PCDHAC1: variants seen among roughly 807,000 people sequenced by gnomAD.
The protein encoded by PCDHAC1 is protocadherin alpha subfamily C, 1, also known as protocadherin alpha-C1.
Under a neutral mutation model 60.0 loss-of-function variants are expected in PCDHAC1, and 42 were observed. That is an observed-to-expected ratio of 0.70 (90% CI 0.55 to 0.90). The LOEUF (loss-of-function observed/expected upper bound fraction) is 0.90. Among genes scored for constraint, PCDHAC1 ranks in the 40% least tolerant of loss-of-function variants. PCDHAC1 has a pLI of 0.00. For missense variants in PCDHAC1, 1,160 were observed against 1,222.3 expected (o/e 0.95, Z 0.76); for synonymous variants, 468 against 499.3 (o/e 0.94, Z 0.84).
intron 1 of PCDHAC1, chr5:140,966,633 C>G (rs2096029445): frequency 8.9e-6 from 9 of 1,005,802 alleles, no homozygotes; most frequent in Non-Finnish European, 5.4e-6. Flanking sequence ...CGGCCCCAGG[C>G]GCTTTCTAGA....
At chr5:140,958,241 AT>A (rs2095415572) in intron 1 of PCDHAC1, among the ~76,000 whole-genome samples, 1 of 152,118 alleles carries the variant, frequency 6.6e-6, no homozygotes, top group Non-Finnish European at 1.5e-5. Flanking sequence ...GTTTTTAACA[AT>A]TCTGAACAAA....
At chr5:141,006,368 C>A (rs1395158727) in intron 3 of PCDHAC1, among the ~76,000 whole-genome samples, 1 of 151,954 alleles carries the variant, frequency 6.6e-6, no homozygotes, top group Non-Finnish European at 1.5e-5. Flanking sequence ...CCCACCACCA[C>A]GCCCGGCTAA....
chr5:140,976,545 T>C (rs781810490), intron 1 of PCDHAC1, among the ~76,000 whole-genome samples: 1 of 152,078 alleles, frequency 6.6e-6, no homozygotes, highest in Non-Finnish European at 1.5e-5. Flanking sequence ...AGTAAGACCC[T>C]ATCTCATAAA....
In PCDHAC1 at chr5:140,993,460, TCTCACACA is replaced by T. The variant is rs782648313; in HGVS notation, c.2581+10899_2581+10906del. Among the ~76,000 whole-genome samples, 169 of 104,562 alleles carry T rather than the reference TCTCACACA, an allele frequency of 1.6e-3. 1 individual carries two copies. Among genetic ancestry groups the T allele is most frequent in the East Asian group, 0.012 (43 of 3,448 alleles). 68.6% of individuals were successfully genotyped at this position (104,562 alleles called of 152,430 possible). On this transcript the variant is annotated intron_variant, in intron 3 of 3. Coordinates refer to ENST00000253807, the MANE Select transcript of PCDHAC1 (RefSeq NM_018898.5). ...TTCATTCCTGTTCTCCTTCTTTCTT[TCTCACACA>T]CACACACACACACACACACACACAC...
intron 3 of PCDHAC1, among the ~76,000 whole-genome samples, chr5:140,997,598 TG>T (rs1182118908): frequency 6.6e-5 from 10 of 152,124 alleles, no homozygotes; most frequent in Admixed American, 2.0e-4. Context: ...AACATGATTA[TG>T]GGGCGCATGA....
intron 1 of PCDHAC1, among the ~76,000 whole-genome samples, chr5:140,953,492 G>T (rs542677103): frequency 6.6e-6 from 1 of 152,188 alleles, no homozygotes; most frequent in East Asian, 1.9e-4. Context: ...TCACAACCTT[G>T]ATCAGCTATT....
intron 3 of PCDHAC1, among the ~76,000 whole-genome samples, chr5:141,003,650 A>G (rs2098132767): frequency 6.6e-6 from 1 of 152,170 alleles, no homozygotes; most frequent in Admixed American, 6.5e-5. Flanking sequence ...GAAGATCTGT[A>G]TGCATTTATT....
intron 3 of PCDHAC1, chr5:140,988,965 TG>T (rs1227130828): frequency 6.6e-6 from 1 of 152,162 alleles, no homozygotes; most frequent in Non-Finnish European, 1.5e-5. Context: ...AGCCCCACGA[TG>T]GAGAGAAGCA....
At chr5:140,934,430 G>A (rs1249557283) in intron 1 of PCDHAC1, among the ~76,000 whole-genome samples, 1 of 152,108 alleles carries the variant, frequency 6.6e-6, no homozygotes, top group Non-Finnish European at 1.5e-5. Context: ...CAATGCAAGT[G>A]TAAATATAGT....
chr5:140,928,381 T>C lies in PCDHAC1; in HGVS notation c.1489T>C (p.Leu497=), dbSNP rs1554205835. ...VISEGPSASS[L]LAVESSSGAI... is the part of the protein sequence containing the mutation. ...CTCTGAAGGGCCATCAGCCTCTAGC[T>C]TGCTGGCAGTGGAATCATCCAGTGG... Residue 497 remains leucine, a synonymous_variant, in exon 1 of 4, where the codon TTG becomes CTG. Coordinates refer to ENST00000253807, the MANE Select transcript of PCDHAC1 (RefSeq NM_018898.5). The C allele has an allele frequency of 1.2e-6, 2 of 1,614,054 alleles. No homozygotes were observed. Among genetic ancestry groups the C allele is most frequent in the African/African-American group, 2.7e-5 (2 of 74,928 alleles).
chr5:140,980,030 C>T (rs552658283), intron 2 of PCDHAC1, among the ~76,000 whole-genome samples: 29 of 152,292 alleles, frequency 1.9e-4, no homozygotes, highest in Admixed American at 4.6e-4. Flanking sequence ...GAAATCATTA[C>T]ATTGGGTGCT....
Position 141,010,327 on chromosome 5 carries a change from G to T in PCDHAC1, c.*390G>T, listed in dbSNP as rs2098416942. 5 of 1,539,742 alleles carry T rather than the reference G, an allele frequency of 3.2e-6. No individual in the cohort carries two copies. The highest frequency in any genetic ancestry group is 2.4e-5 in the South Asian group (2 of 82,532). On this transcript the variant is annotated 3_prime_UTR_variant, in exon 4 of 4. Transcript: ENST00000253807. ...AAAGTTTTGAGATTGAGCAGCTTGGGAGTTTGTGGCCACTGGGTATGTGTG... is the reference window on the plus strand; with the variant it reads ...AAAGTTTTGAGATTGAGCAGCTTGGTAGTTTGTGGCCACTGGGTATGTGTG...
rs1224984801 is a variant in PCDHAC1, at chr5:140,927,707, T to G, written c.815T>G (p.Leu272Arg). The change falls in exon 1 of 4, where the codon CTA becomes CGA. Residue 272 changes from leucine (L) to arginine (R), a missense_variant. By Grantham distance (102) the Leu-to-Arg change is moderately radical. Around this residue, in one of 3 missense-constraint regions of PCDHAC1, gnomAD observed 1,113 missense variants for 1,163.7 expected, o/e 0.96. Coordinates refer to ENST00000253807, the MANE Select transcript of PCDHAC1 (RefSeq NM_018898.5). Reference protein sequence around the residue: ...EGSNGEVQYSLSNSTQAELRH... With the variant: ...EGSNGEVQYSRSNSTQAELRH... ...TCCAATGGGGAAGTCCAGTACTCCC[T>G]AAGCAACAGCACGCAAGCAGAGCTG... is the stretch of plus-strand genomic sequence containing the variant. 1 of 1,614,080 alleles carries G rather than the reference T, an allele frequency of 6.2e-7. No homozygotes were observed. Among genetic ancestry groups the G allele is most frequent in the African/African-American group, 1.3e-5 (1 of 74,934 alleles).
Position 140,928,152 on chromosome 5 carries a change from T to G in PCDHAC1, c.1260T>G (p.Ser420Arg). 1 of 1,614,200 alleles carries G rather than the reference T, an allele frequency of 6.2e-7. No homozygotes were observed. The highest frequency in any genetic ancestry group is 2.2e-5 in the East Asian group (1 of 44,874). ...AAGTCCTGATCACGGCCTCAGATAGTGGCTCACCCCCACTTAGCACCCGAA... is the reference window on the plus strand; with the variant it reads ...AAGTCCTGATCACGGCCTCAGATAGGGGCTCACCCCCACTTAGCACCCGAA... ...EYQVLITASD[S>R]GSPPLSTRRT... is the part of the protein sequence containing the mutation. The change falls in exon 1 of 4, where the codon AGT (serine) becomes AGG (arginine). Residue 420 changes from serine to arginine, a missense_variant. Ser to Arg is a moderately radical substitution (Grantham distance 110). This residue lies in a region of PCDHAC1 where 1,113 missense variants were observed against 1,163.7 expected (regional missense o/e 0.96). Coordinates refer to ENST00000253807, the MANE Select transcript of PCDHAC1 (RefSeq NM_018898.5).
In PCDHAC1 at chr5:141,009,945, A is replaced by C. The variant is rs2098415489; in HGVS notation, c.*8A>C. 5.0e-6 allele frequency: 8 copies of C among 1,596,112 alleles called. No homozygotes were observed. The highest frequency in any genetic ancestry group is 6.8e-6 in the Non-Finnish European group (8 of 1,173,736). On this transcript the variant is annotated 3_prime_UTR_variant, in exon 4 of 4. Coordinates refer to ENST00000253807, the MANE Select transcript of PCDHAC1 (RefSeq NM_018898.5). ...GACAACAGTGACCAGTGAGGTCCTCAAATGGAAACAAGCCACTTAGCCAGT... is the reference window on the plus strand; with the variant it reads ...GACAACAGTGACCAGTGAGGTCCTCCAATGGAAACAAGCCACTTAGCCAGT...
At chr5:140,939,629 A>G (rs1250529725) in intron 1 of PCDHAC1, among the ~76,000 whole-genome samples, 5 of 152,248 alleles carry the variant, frequency 3.3e-5, no homozygotes, top group African/African-American at 1.2e-4. Context: ...AAGAAAATCA[A>G]TAAGGGTACT....
chr5:140,985,901 G>A (rs995663051), intron 3 of PCDHAC1, among the ~76,000 whole-genome samples: 3 of 151,818 alleles, frequency 2.0e-5, no homozygotes, highest in Non-Finnish European at 2.9e-5. Flanking sequence ...CACCACTCCC[G>A]TCTAATTTTT....
rs148631412 is a variant in PCDHAC1, at chr5:140,929,183, C to T, written c.2291C>T (p.Ser764Phe). The change falls in exon 1 of 4, where the codon TCT (serine) becomes TTT (phenylalanine). Residue 764 changes from serine (S) to phenylalanine (F), a missense_variant. By Grantham distance (155) the Ser-to-Phe change is radical. Around this residue, in one of 3 missense-constraint regions of PCDHAC1, gnomAD observed 1,113 missense variants for 1,163.7 expected, o/e 0.96. Transcript: ENST00000253807. ...TATCGGGCCTCTCTGGGACTTGGTT[C>T]TGATAATAACAGTTTGCTGTTGCGT... is the stretch of plus-strand genomic sequence containing the variant. Reference protein sequence around the residue: ...YLYRASLGLGSDNNSLLLRGE... With the variant: ...YLYRASLGLGFDNNSLLLRGE... 62 of 1,614,144 alleles carry T rather than the reference C, an allele frequency of 3.8e-5. No individual in the cohort carries two copies. The highest frequency in any genetic ancestry group is 4.8e-5 in the Non-Finnish European group (57 of 1,180,012).
At chr5:140,966,232 C>A (rs1353392797) in intron 1 of PCDHAC1, 14 of 285,432 alleles carry the variant, frequency 4.9e-5, no homozygotes, top group African/African-American at 2.4e-4. Flanking sequence ...TCCTTAAAGA[C>A]CCGTTAAGCA....
Sources: gnomAD v4.1 joint callset for allele counts (sites outside exome capture counted in the v4.1 genomes callset) on GRCh38, gnomAD v4.1.1 for gene constraint, gnomAD v4.1.1 regional missense constraint, MANE v1.5 for transcripts, NCBI Gene and HGNC (gene_info 2026-07-23, HGNC 2026-07-21) for gene names.